Variants in CEP162 observed in about 807,000 individuals in gnomAD.
The protein encoded by CEP162 is centrosomal protein 162, also known as centrosomal protein of 162 kDa.
A neutral mutation model predicts 169.2 loss-of-function variants in CEP162; 141 were observed. The observed-to-expected ratio is 0.83, with a 90% CI of 0.73 to 0.96. The LOEUF is 0.96. CEP162 is among the 40% of genes least tolerant of loss of function. The pLI, the probability that CEP162 is intolerant of heterozygous loss-of-function variation, is 0.00. For missense variants in CEP162, 1,600 were observed against 1,587.2 expected (o/e 1.01, Z -0.14); for synonymous variants, 540 against 526.4 (o/e 1.03, Z -0.35).
intron 25 of CEP162, among the ~76,000 whole-genome samples, chr6:84,127,212 A>G (rs1300021413): frequency 3.9e-5 from 6 of 152,178 alleles, no homozygotes; most frequent in African/African-American, 1.4e-4. Flanking sequence ...TTCCAACAAG[A>G]ATCAGATTTT....
rs865977691 is a variant in CEP162, at chr6:84,212,990, G to A, written c.538C>T (p.His180Tyr). ...QANAELTDDE[H>Y]ENESKHEELA... ...TCTTCATGTTTCGATTCATTCTCATGTTCGTCATCAGTTAGTTCTGCGTTG... is the reference window on the plus strand; with the variant it reads ...TCTTCATGTTTCGATTCATTCTCATATTCGTCATCAGTTAGTTCTGCGTTG... Residue 180 changes from histidine to tyrosine, a missense_variant, in exon 6 of 27, where the codon CAT (histidine) becomes TAT (tyrosine). By Grantham distance (83) the His-to-Tyr change is moderately conservative (BLOSUM62 2). Transcript: ENST00000403245. 2 of 1,554,722 alleles carry A rather than the reference G, an allele frequency of 1.3e-6. No individual in the cohort carries two copies. Among genetic ancestry groups the A allele is most frequent in the African/African-American group, 2.7e-5 (2 of 73,350 alleles).
At chr6:84,194,839 A>G (rs2099541455) in intron 10 of CEP162, 45 bp downstream of exon 10, 1 of 1,325,308 alleles carries the variant, frequency 7.5e-7, no homozygotes, top group Non-Finnish European at 1.1e-6. Context: ...AAAACTCTTT[A>G]GAAAGGATAT....
At position 84,126,470 on chromosome 6, in the gene CEP162, G is replaced by T; in HGVS notation, c.3913C>A (p.His1305Asn). 6.4e-7 allele frequency: 1 copy of T among 1,569,048 alleles called. No individual in the cohort carries two copies. The highest frequency in any genetic ancestry group is 8.7e-7 in the Non-Finnish European group (1 of 1,155,378). ...LEELREAKEN[H>N]TPEMKHFVGL... ...ACGAAATGTTTCATCTCTGGTGTAT[G>T]GTTTTCTTTGGCTTCTCTCAATTCT... The change falls in exon 26 of 27, where the codon CAT becomes AAT. Residue 1305 changes from histidine to asparagine, a missense_variant. Coordinates refer to ENST00000403245, the MANE Select transcript of CEP162 (RefSeq NM_014895.4).
Position 84,215,178 on chromosome 6 carries a change from A to G in CEP162, c.503+104T>C, listed in dbSNP as rs1588888707. 5.4e-6 allele frequency: 3 copies of G among 558,636 alleles called. No homozygotes were observed. In the East Asian group the frequency reaches 9.7e-5, roughly 18 times the overall value. 34.6% of individuals were successfully genotyped at this position (558,636 alleles called of 1,614,324 possible). On this transcript the variant is annotated intron_variant, in intron 5 of 26. Transcript: ENST00000403245. ...ATAATAGATTTAAAAAATAAGATTT[A>G]AGTTTGCCTGTTATAATGTTTACCT...
intron 12 of CEP162, among the ~76,000 whole-genome samples, 196 bp from the exon 13 acceptor site, chr6:84,185,644 T>C (rs1038090429): frequency 3.9e-5 from 6 of 152,142 alleles, no homozygotes; most frequent in East Asian, 1.9e-4. Flanking sequence ...AAAGTTAGCA[T>C]TGAAACAAAG....
At chr6:84,137,443 G>A (rs928170361) in intron 25 of CEP162, among the ~76,000 whole-genome samples, 5 of 152,066 alleles carry the variant, frequency 3.3e-5, no homozygotes, top group African/African-American at 1.2e-4. Flanking sequence ...TAAGAATTTT[G>A]ATAATTCTTA....
chr6:84,221,519 C>T (rs1472015671), intron 2 of CEP162, among the ~76,000 whole-genome samples: 1 of 151,860 alleles, frequency 6.6e-6, no homozygotes, highest in African/African-American at 2.4e-5. Flanking sequence ...AATGGCTGAA[C>T]AAAATTGCAT....
At chr6:84,134,192 G>A (rs559104712) in intron 25 of CEP162, among the ~76,000 whole-genome samples, 96 of 152,298 alleles carry the variant, frequency 6.3e-4, no homozygotes, top group African/African-American at 2.2e-3. Flanking sequence ...CTCAGTAATG[G>A]TGGATGCCAC....
chr6:84,127,964 A>C (rs2099509621), intron 25 of CEP162, among the ~76,000 whole-genome samples: 1 of 152,200 alleles, frequency 6.6e-6, no homozygotes, highest in African/African-American at 2.4e-5. Context: ...TGTGCTAGGC[A>C]TTAGGCTGAG....
At chr6:84,198,700 T>A (rs965388843) in intron 9 of CEP162, among the ~76,000 whole-genome samples, 3 of 152,160 alleles carry the variant, frequency 2.0e-5, no homozygotes. Context: ...AGGGTTGACA[T>A]AAATAATGAT....
intron 25 of CEP162, among the ~76,000 whole-genome samples, chr6:84,145,127 G>C (rs1468865712): frequency 1.3e-5 from 2 of 152,030 alleles, no homozygotes; most frequent in Non-Finnish European, 2.9e-5. Flanking sequence ...AACTGGCTTG[G>C]TACCTTACAT....
At chr6:84,165,196 C>T (rs901547521) in intron 18 of CEP162, among the ~76,000 whole-genome samples, 58 of 151,876 alleles carry the variant, frequency 3.8e-4, no homozygotes, top group African/African-American at 1.3e-3. Flanking sequence ...ATAGCAAGCC[C>T]CATCCTGGCC....
Position 84,151,849 on chromosome 6 carries a change from G to T in CEP162, c.3629+696C>A, listed in dbSNP as rs1464834059. ...GAAGGAGAAAATGCCCCTGGACTGG[G>T]AAAGCTCATTATTGAGACCAGGTTT... On this transcript the variant is annotated intron_variant, in intron 23 of 26. Transcript: ENST00000403245. 2.0e-5 allele frequency among the ~76,000 whole-genome samples: 3 copies of T among 152,096 alleles called. No individual in the cohort carries two copies. The East Asian group carries it at 5.8e-4, about 29-fold the overall frequency.
intron 25 of CEP162, among the ~76,000 whole-genome samples, chr6:84,139,488 A>G (rs1285260870): frequency 6.6e-6 from 1 of 152,130 alleles, no homozygotes; most frequent in African/African-American, 2.4e-5. Context: ...CCCAACAGGA[A>G]CTCACATGGG....
intron 18 of CEP162, among the ~76,000 whole-genome samples, chr6:84,164,704 G>C (rs1296397365): frequency 3.9e-5 from 6 of 152,062 alleles, no homozygotes; most frequent in African/African-American, 1.4e-4. Context: ...CGGGGGGTGA[G>C]GGGCAAGGGG....
At chr6:84,154,560 A>G (rs2099522434) in intron 22 of CEP162, among the ~76,000 whole-genome samples, 2 of 152,136 alleles carry the variant, frequency 1.3e-5, no homozygotes, top group Non-Finnish European at 2.9e-5. Flanking sequence ...TATGTGGGAA[A>G]TGAAATGAGC....
chr6:84,204,104 A>G lies in CEP162; in HGVS notation c.572-8T>C. On this transcript the variant is annotated splice_polypyrimidine_tract_variant and splice_region_variant and intron_variant, in intron 6 of 26. Coordinates refer to ENST00000403245, the MANE Select transcript of CEP162 (RefSeq NM_014895.4). ...AATCATCACTGTAATTTTCTGAAGA[A>G]AGTAATTTTTAAAAGTACAAAGACC... 1 of 1,540,916 alleles carries G rather than the reference A, an allele frequency of 6.5e-7. No homozygotes were observed. Among genetic ancestry groups the G allele is most frequent in the Non-Finnish European group, 8.9e-7 (1 of 1,128,582 alleles).
chr6:84,125,955 C>T (rs144556478), intron 26 of CEP162, among the ~76,000 whole-genome samples: 1,710 of 152,244 alleles, frequency 0.011, 18 homozygotes, highest in Admixed American at 0.018. Flanking sequence ...CTATTTTTAA[C>T]TTCTATTAAT....
chr6:84,207,085 G>A (rs1037288149), intron 6 of CEP162, among the ~76,000 whole-genome samples: 20 of 152,208 alleles, frequency 1.3e-4, no homozygotes, highest in African/African-American at 4.8e-4. Flanking sequence ...GTGCTGGAGA[G>A]GATGTGGAGA....
Sources: gnomAD v4.1 joint callset for allele counts (sites outside exome capture counted in the v4.1 genomes callset) on GRCh38, gnomAD v4.1.1 for gene constraint, MANE v1.5 for transcripts, NCBI Gene and HGNC (gene_info 2026-07-23, HGNC 2026-07-21) for gene names.